The following ATL1 variants were observed in gnomAD, a reference collection of about 807,000 sequenced individuals.
The protein encoded by ATL1 is atlastin GTPase 1.
A neutral mutation model predicts 75.5 loss-of-function variants in ATL1; 31 were observed. That is an observed-to-expected ratio of 0.41 (90% CI 0.31 to 0.55). The LOEUF (loss-of-function observed/expected upper bound fraction) is 0.55, where lower values mean the gene tolerates loss of function less well. Among genes scored for constraint, ATL1 ranks in the 20% least tolerant of loss-of-function variants. ATL1 has a pLI of 0.27. For synonymous variants in ATL1, 226 were observed against 233.3 expected, an observed-to-expected ratio of 0.97 and a Z score of 0.28; for missense variants, 405 against 662.6, an observed-to-expected ratio of 0.61 and a Z score of 4.27.
chr14:50,574,971 A>ATATATATATC (rs1234160143), intron 1 of ATL1, among the ~76,000 whole-genome samples: 59 of 129,566 alleles, frequency 4.6e-4, no homozygotes, highest in African/African-American at 1.7e-3. Context: ...ATATATATAT[A>ATATATATATC]TATATTAGCT....
intron 8 of ATL1, 60 bp from the exon 9 acceptor site, chr14:50,620,539 T>G (rs936279305): frequency 4.1e-5 from 64 of 1,557,076 alleles, no homozygotes; most frequent in Admixed American, 8.5e-5. Flanking sequence ...TGTTTTATTC[T>G]GTGGCATGGA....
intron 1 of ATL1, among the ~76,000 whole-genome samples, chr14:50,548,720 C>G (rs1345707700): frequency 6.6e-6 from 1 of 152,054 alleles, no homozygotes; most frequent in Non-Finnish European, 1.5e-5. Context: ...CTGTGTTAGC[C>G]AGGATGGTCT....
chr14:50,622,227 A>G (rs918695478), intron 10 of ATL1, among the ~76,000 whole-genome samples: 1 of 152,254 alleles, frequency 6.6e-6, no homozygotes, highest in Admixed American at 6.5e-5. Context: ...ACTAGTCTCC[A>G]CAAACATTTT....
intron 6 of ATL1, among the ~76,000 whole-genome samples, chr14:50,604,676 A>G (rs969706845): frequency 6.6e-6 from 1 of 152,110 alleles, no homozygotes; most frequent in Non-Finnish European, 1.5e-5. Flanking sequence ...GAGTGTCCAA[A>G]ATATTTATAC....
At chr14:50,623,486 C>T (rs768040986) in intron 11 of ATL1, among the ~76,000 whole-genome samples, 9 of 151,758 alleles carry the variant, frequency 5.9e-5, no homozygotes, top group East Asian at 1.9e-4. Flanking sequence ...TCCCTATTCA[C>T]ATATTTGGGG....
At chr14:50,621,405 CAT>C (rs2039465781) in intron 9 of ATL1, among the ~76,000 whole-genome samples, 1 of 152,064 alleles carries the variant, frequency 6.6e-6, no homozygotes, top group Non-Finnish European at 1.5e-5. Context: ...CAATAAATGC[CAT>C]GTTATTAATC....
At chr14:50,596,127 T>C (rs2039214460) in intron 6 of ATL1, among the ~76,000 whole-genome samples, 1 of 152,176 alleles carries the variant, frequency 6.6e-6, no homozygotes, top group African/African-American at 2.4e-5. Context: ...TAAGAATTAT[T>C]TAGAATAGAG....
intron 1 of ATL1, among the ~76,000 whole-genome samples, chr14:50,546,995 AC>A (rs962084868): frequency 6.6e-6 from 1 of 150,996 alleles, no homozygotes; most frequent in African/African-American, 2.4e-5. Context: ...CTAGCCCCCC[AC>A]CCCCCAACAG....
chr14:50,608,788 C>T (rs1213216360), intron 6 of ATL1, among the ~76,000 whole-genome samples: 2 of 151,892 alleles, frequency 1.3e-5, no homozygotes, highest in Non-Finnish European at 2.9e-5. Context: ...AATTACTTCC[C>T]AGCTAACATC....
chr14:50,556,617 T>C (rs1023906697), upstream of ATL1, among the ~76,000 whole-genome samples: 1 of 152,186 alleles, frequency 6.6e-6, no homozygotes, highest in Non-Finnish European at 1.5e-5. Context: ...TCATACTCAT[T>C]AGCAGTCACT....
chr14:50,553,740 G>A (rs530130418), intron 1 of ATL1, among the ~76,000 whole-genome samples: 123 of 152,266 alleles, frequency 8.1e-4, no homozygotes, highest in Non-Finnish European at 1.3e-3. Context: ...AGGAAATGTG[G>A]TATATATACA....
At chr14:50,604,788 T>G (rs2039301830) in intron 6 of ATL1, among the ~76,000 whole-genome samples, 1 of 151,986 alleles carries the variant, frequency 6.6e-6, no homozygotes, top group Non-Finnish European at 1.5e-5. Flanking sequence ...CACTGATGGG[T>G]GGTTAATACA....
chr14:50,628,432 A>T lies in ATL1; in HGVS notation c.1521A>T (p.Ile507=). The T allele has an allele frequency of 6.2e-7, 1 of 1,614,174 alleles. No individual in the cohort carries two copies. The highest frequency in any genetic ancestry group is 8.5e-7 in the Non-Finnish European group (1 of 1,180,034). The change falls in exon 12 of 14, where the codon ATA becomes ATT. Residue 507 remains isoleucine (I), a synonymous_variant. Coordinates refer to ENST00000358385, the MANE Select transcript of ATL1 (RefSeq NM_015915.5). ...SGEYRELGAV[I]DQVAAALWDQ... ...AATACCGAGAGCTGGGAGCTGTAAT[A>T]GACCAGGTGGCTGCAGCTCTGTGGG...
chr14:50,584,477 G>A (rs1305984711), intron 1 of ATL1, among the ~76,000 whole-genome samples: 4 of 152,188 alleles, frequency 2.6e-5, no homozygotes, highest in Admixed American at 2.6e-4. Flanking sequence ...GCCGAGGCGG[G>A]CAGATCACGA....
intron 1 of ATL1, among the ~76,000 whole-genome samples, chr14:50,539,188 G>A (rs1566704476): frequency 6.6e-6 from 1 of 152,202 alleles, no homozygotes; most frequent in East Asian, 1.9e-4. Context: ...GTATCCTGTA[G>A]CATGGAGTGG....
intron 1 of ATL1, among the ~76,000 whole-genome samples, chr14:50,583,261 G>T (rs1375168124): frequency 2.0e-5 from 3 of 152,100 alleles, no homozygotes; most frequent in African/African-American, 7.2e-5. Context: ...CATACATAAA[G>T]ATTGAAAAGT....
At chr14:50,538,923 A>T (rs946415576) in intron 1 of ATL1, among the ~76,000 whole-genome samples, 1 of 152,198 alleles carries the variant, frequency 6.6e-6, no homozygotes, top group African/African-American at 2.4e-5. Context: ...GGCCTCAAGC[A>T]ATCGACCTAC....
intron 6 of ATL1, among the ~76,000 whole-genome samples, chr14:50,603,847 C>T (rs2039293030): frequency 6.6e-6 from 1 of 152,048 alleles, no homozygotes; most frequent in East Asian, 1.9e-4. Flanking sequence ...AGTTATCTAC[C>T]CTATCCCATG....
chr14:50,600,032 G>C (rs2039257809), intron 6 of ATL1, among the ~76,000 whole-genome samples: 1 of 151,082 alleles, frequency 6.6e-6, no homozygotes, highest in South Asian at 2.1e-4. Flanking sequence ...GTGCTATATG[G>C]TAATTAGGCT....
Sources: gnomAD v4.1 joint callset for allele counts (sites outside exome capture counted in the v4.1 genomes callset) on GRCh38, gnomAD v4.1.1 for gene constraint, MANE v1.5 for transcripts, NCBI Gene and HGNC (gene_info 2026-07-23, HGNC 2026-07-21) for gene names.